Variants in CTTN observed in about 807,000 individuals in gnomAD.
CTTN encodes the protein src substrate cortactin.
Under a neutral mutation model 84.0 loss-of-function variants are expected in CTTN, and 28 were observed. The ratio of observed to expected loss-of-function variants is 0.33; its 90% CI spans 0.25 to 0.46. The LOEUF (loss-of-function observed/expected upper bound fraction) is 0.46. Among genes scored for constraint, CTTN ranks in the 20% least tolerant of loss-of-function variants. CTTN has a pLI of 1.00. For missense variants in CTTN, 641 were observed against 723.8 expected (o/e 0.89, Z 1.31); for synonymous variants, 301 against 288.8 (o/e 1.04, Z -0.43).
At chr11:70,400,015 TCTC>T (rs2057958169) in intron 1 of CTTN, among the ~76,000 whole-genome samples, 1 of 152,186 alleles carries the variant, frequency 6.6e-6, no homozygotes, top group African/African-American at 2.4e-5. Flanking sequence ...CAGTCCTGTT[TCTC>T]CTCTGGTTAG....
intron 13 of CTTN, among the ~76,000 whole-genome samples, 165 bp downstream of exon 13, chr11:70,425,566 T>C (rs1362128112): frequency 1.3e-5 from 2 of 152,340 alleles, no homozygotes; most frequent in East Asian, 3.9e-4. Flanking sequence ...AGATCTTGTT[T>C]CTCCTGCAGA....
Position 70,420,444 on chromosome 11 carries a change from A to T in CTTN, c.724A>T (p.Arg242Ter). The change falls in exon 10 of 18, where the codon AGA becomes TGA. Residue 242 changes from arginine (R) to a stop codon, truncating the protein, a stop_gained. Transcript: ENST00000301843. LOFTEE classifies it high-confidence loss of function. The stretch of plus-strand genomic sequence containing the variant: ...AGGAAAATTTGGTGTGCAGACAGAC[A>T]GACAAGACAAATGTGCCCTTGGCTG... ...FGGKFGVQTD[R>*]QDKCALGWDH... The T allele has an allele frequency of 6.2e-7, 1 of 1,614,244 alleles. No individual in the cohort carries two copies. Among genetic ancestry groups the T allele is most frequent in the Non-Finnish European group, 8.5e-7 (1 of 1,180,044 alleles).
At chr11:70,430,628 C>T (rs1444762995) in intron 14 of CTTN, among the ~76,000 whole-genome samples, 3 of 152,160 alleles carry the variant, frequency 2.0e-5, no homozygotes, top group Admixed American at 6.5e-5. Context: ...CTGGGGACTG[C>T]GATGTCAGCA....
At chr11:70,412,164 C>T (rs999167233) in intron 5 of CTTN, among the ~76,000 whole-genome samples, 2 of 152,198 alleles carry the variant, frequency 1.3e-5, no homozygotes, top group African/African-American at 4.8e-5. Context: ...ACGGGACTGG[C>T]ACCTGTAATC....
intron 17 of CTTN, among the ~76,000 whole-genome samples, chr11:70,434,071 G>T (rs544846936): frequency 1.3e-5 from 2 of 152,238 alleles, no homozygotes; most frequent in Non-Finnish European, 2.9e-5. Context: ...CCGCACAGAT[G>T]CCTTGATGTT....
At chr11:70,402,303 C>T (rs761323612) in intron 1 of CTTN, among the ~76,000 whole-genome samples, 11 of 152,148 alleles carry the variant, frequency 7.2e-5, no homozygotes, top group Non-Finnish European at 1.6e-4. Flanking sequence ...TCTTTTGAAC[C>T]GTATTGTAAC....
At chr11:70,409,175 C>T (rs766366840) in intron 4 of CTTN, among the ~76,000 whole-genome samples, 11 of 152,074 alleles carry the variant, frequency 7.2e-5, no homozygotes, top group Non-Finnish European at 1.3e-4. Context: ...TCAAAGGTGG[C>T]GTCCTGGTGT....
chr11:70,399,308 C>T (rs1420095871), intron 1 of CTTN, among the ~76,000 whole-genome samples: 1 of 38,502 alleles, frequency 2.6e-5, no homozygotes, highest in Non-Finnish European at 5.1e-5. Context: ...GGGAAGGGGT[C>T]GGGGCTCGGA....
In CTTN at chr11:70,407,369, C is replaced by A; in HGVS notation, c.72C>A (p.Thr24=). 6.3e-7 allele frequency: 1 copy of A among 1,588,836 alleles called. No homozygotes were observed. Among genetic ancestry groups the A allele is most frequent in the Non-Finnish European group, 8.6e-7 (1 of 1,167,212 alleles). ...QDDAGADDWE[T]DPDFVNDVSE... ...ACGCGGGGGCCGATGACTGGGAGAC[C>A]GACCCTGATTTTGTGGTAGGAGCCG... The change falls in exon 3 of 18, where the codon ACC becomes ACA. Residue 24 remains threonine (T), a synonymous_variant. Transcript: ENST00000301843.
At chr11:70,408,440 C>G (rs1231785034) in intron 4 of CTTN, 1 of 152,270 alleles carries the variant, frequency 6.6e-6, no homozygotes, top group Admixed American at 6.6e-5. Flanking sequence ...CTCTGTCACC[C>G]AGGCTGGAGT....
chr11:70,404,859 G>C (rs1242263725), intron 1 of CTTN, among the ~76,000 whole-genome samples: 2 of 152,132 alleles, frequency 1.3e-5, no homozygotes, highest in Non-Finnish European at 2.9e-5. Flanking sequence ...AAAATTAGCT[G>C]GGCGTGGTGG....
intron 7 of CTTN, 96 bp downstream of exon 7, chr11:70,415,813 T>C (rs879019227): frequency 6.5e-6 from 8 of 1,229,522 alleles, no homozygotes; most frequent in Non-Finnish European, 9.6e-6. Flanking sequence ...CCGGGGGCCC[T>C]GATGGGGAGA....
In CTTN at chr11:70,435,184, G is replaced by A. The variant is rs374041724; in HGVS notation, c.*22G>A. On this transcript the variant is annotated 3_prime_UTR_variant, in exon 18 of 18. Transcript: ENST00000301843. ...GTAGGGCCCCCAGCCCCCCCCCGGA[G>A]CTGCGCCCTGGATCCTCACACTACA... 3.1e-6 allele frequency: 5 copies of A among 1,593,916 alleles called. No homozygotes were observed. The African/African-American group carries it at 5.4e-5, about 17-fold the overall frequency.
intron 14 of CTTN, 58 bp from the exon 15 acceptor site, chr11:70,431,133 G>A (rs955956816): frequency 3.3e-5 from 51 of 1,528,264 alleles, no homozygotes; most frequent in Non-Finnish European, 4.3e-5. Context: ...AACACGGCAG[G>A]CGTGACAGTG....
rs2057935738 is a variant in CTTN, at chr11:70,398,596, G to T, written c.-116G>T. 1 of 152,194 alleles carries T rather than the reference G, an allele frequency of 6.6e-6. No homozygotes were observed. The highest frequency in any genetic ancestry group is 2.1e-4 in the South Asian group (1 of 4,834). The allele number at this position is 152,194 out of a possible 1,614,324, so 9.4% of individuals were successfully genotyped here. On this transcript the variant is annotated 5_prime_UTR_variant, in exon 1 of 18. Transcript: ENST00000301843. ...GCGGAATCCAGGGCCGACCCGGGCC[G>T]GACCGACCCCAGGCGGCGGTGAGCG...
At position 70,409,892 on chromosome 11, in the gene CTTN, G is replaced by C. The variant is rs748845746; in HGVS notation, c.223G>C (p.Glu75Gln). The C allele has an allele frequency of 3.1e-6, 5 of 1,614,102 alleles. No homozygotes were observed. In the East Asian group the frequency reaches 8.9e-5, roughly 29 times the overall value. ...TCAGACCCTTAAGGAGAAGGAACTT[G>C]AAACAGGACCAAAAGCTTCCCATGG... ...EHQTLKEKEL[E>Q]TGPKASHGYG... Residue 75 changes from glutamate (E) to glutamine (Q), a missense_variant, in exon 5 of 18, where the codon GAA becomes CAA. Glu to Gln is a conservative substitution (Grantham distance 29, BLOSUM62 2). Around this residue, in one of 3 missense-constraint regions of CTTN, gnomAD observed 284 missense variants for 348.4 expected, o/e 0.82. Transcript: ENST00000301843.
intron 3 of CTTN, 45 bp from the exon 4 acceptor site, chr11:70,407,473 G>T: frequency 1.2e-6 from 2 of 1,611,864 alleles, no homozygotes; most frequent in African/African-American, 2.7e-5. Flanking sequence ...GTTTGTCTGT[G>T]TCACAATCCA....
Position 70,425,319 on chromosome 11 carries a change from C to T in CTTN, c.958-13C>T. The stretch of plus-strand genomic sequence containing the variant: ...AAAAGTGCTCTCCTGACGCCCATGT[C>T]CTGTCTCTGCAGAATGCGTCAACCT... On this transcript the variant is annotated splice_polypyrimidine_tract_variant and intron_variant, in intron 12 of 17. Transcript: ENST00000301843. The T allele has an allele frequency of 6.2e-7, 1 of 1,609,144 alleles. No homozygotes were observed. The highest frequency in any genetic ancestry group is 1.1e-5 in the South Asian group (1 of 89,904).
chr11:70,415,761 G>T (rs376897857), intron 7 of CTTN, 44 bp downstream of exon 7: 1 of 1,594,830 alleles, frequency 6.3e-7, no homozygotes, highest in African/African-American at 1.3e-5. Flanking sequence ...CGGGGGCCCC[G>T]ATGGGGAGAG....
Sources: gnomAD v4.1 joint callset for allele counts (sites outside exome capture counted in the v4.1 genomes callset) on GRCh38, gnomAD v4.1.1 for gene constraint, gnomAD v4.1.1 regional missense constraint, MANE v1.5 for transcripts, NCBI Gene and HGNC (gene_info 2026-07-23, HGNC 2026-07-21) for gene names.